Variants in GSE1 observed in about 807,000 individuals in gnomAD.
The protein encoded by GSE1 is Gse1 coiled-coil protein, also known as genetic suppressor element 1.
A neutral mutation model predicts 112.6 loss-of-function variants in GSE1; 32 were observed. The observed-to-expected ratio is 0.28, with a 90% CI of 0.21 to 0.38. The LOEUF (loss-of-function observed/expected upper bound fraction) is 0.38, where lower values mean the gene tolerates loss of function less well. Ranked by LOEUF, GSE1 falls within the 10% of genes least tolerant of loss-of-function variation. GSE1 has a pLI of 1.00. For synonymous variants in GSE1, 1,115 were observed against 735.6 expected, an observed-to-expected ratio of 1.52 and a Z score of -8.35; for missense variants, 2,348 against 1,699.2, an observed-to-expected ratio of 1.38 and a Z score of -6.71.
At chr16:85,517,338 G>A (rs147907520) in intron 2 of GSE1, among the ~76,000 whole-genome samples, 58 of 152,296 alleles carry the variant, frequency 3.8e-4, no homozygotes, top group Middle Eastern at 3.4e-3. Flanking sequence ...TAACCTCCCC[G>A]TGCCACAGCT....
In GSE1 at chr16:85,396,692, A is replaced by G. The variant is rs75104753; in HGVS notation, c.2464+39049A>G. On this transcript the variant is annotated intron_variant, in intron 2 of 2. Coordinates refer to the GSE1 transcript ENST00000637419. ...TCTCAGGACCCCACAACGGGGCAGGATGGATGTCCGGACGCTACACAAGTG... is the reference window on the plus strand; with the variant it reads ...TCTCAGGACCCCACAACGGGGCAGGGTGGATGTCCGGACGCTACACAAGTG... Among the ~76,000 whole-genome samples, 179 of 152,322 alleles carry G rather than the reference A, an allele frequency of 1.2e-3. 1 individual carries two copies. In the East Asian group the frequency reaches 0.022, roughly 19 times the overall value.
At chr16:85,502,312 G>GT (rs1284354712) in intron 2 of GSE1, among the ~76,000 whole-genome samples, 10 of 152,016 alleles carry the variant, frequency 6.6e-5, no homozygotes, top group Admixed American at 6.6e-4. Context: ...AGCCTGTGCT[G>GT]TGGGTAGCGC....
chr16:85,324,575 C>T (rs2046186995), intron 1 of GSE1, among the ~76,000 whole-genome samples: 1 of 151,778 alleles, frequency 6.6e-6, no homozygotes, highest in Non-Finnish European at 1.5e-5. Context: ...TGTGCACACA[C>T]GTTCACAGCA....
intron 2 of GSE1, among the ~76,000 whole-genome samples, chr16:85,536,146 C>G (rs556263622): frequency 3.9e-5 from 6 of 152,356 alleles, no homozygotes; most frequent in Admixed American, 2.6e-4. Flanking sequence ...CCAGCCACCT[C>G]TAGCGATTAA....
chr16:85,577,327 G>A lies in GSE1; in HGVS notation c.37+20964G>A, dbSNP rs183354167. 1.5e-4 allele frequency among the ~76,000 whole-genome samples: 23 copies of A among 152,326 alleles called. 1 individual carries two copies. In the East Asian group the frequency reaches 4.4e-3, roughly 29 times the overall value. ...GAGGACGCGGTCCTCTCAGGGAAGT[G>A]GGGTGTGCATTCGGGGCACTTGGGT... On this transcript the variant is annotated intron_variant, in intron 1 of 2. Coordinates refer to the GSE1 transcript ENST00000635906.
upstream of GSE1, chr16:85,555,397 G>C (rs201445446): frequency 3.7e-4 from 362 of 984,176 alleles, no homozygotes; most frequent in South Asian, 5.2e-4. Flanking sequence ...CCAAAAAAGG[G>C]GGGGGAGGGG....
At chr16:85,360,612 C>T (rs1442795200) in intron 2 of GSE1, among the ~76,000 whole-genome samples, 1 of 152,154 alleles carries the variant, frequency 6.6e-6, no homozygotes, top group African/African-American at 2.4e-5. Flanking sequence ...CAGCTGTGCA[C>T]TGCCAGCTGG....
At chr16:85,245,890 T>TGC (rs1445810964) in intron 1 of GSE1, among the ~76,000 whole-genome samples, 4 of 151,626 alleles carry the variant, frequency 2.6e-5, no homozygotes, top group Non-Finnish European at 5.9e-5. Flanking sequence ...TGTGTGTGTG[T>TGC]GCGTGTGTGT....
In GSE1 at chr16:85,374,573, C is replaced by T. The variant is rs995472192; in HGVS notation, c.2464+16930C>T. ...GCGCGCGTGCACAGGTAGCTCCTAGCGTGTTGTGTGGTGTGATGTACAGGT... is the reference window on the plus strand; with the variant it reads ...GCGCGCGTGCACAGGTAGCTCCTAGTGTGTTGTGTGGTGTGATGTACAGGT... On this transcript the variant is annotated intron_variant, in intron 2 of 2. Coordinates refer to the GSE1 transcript ENST00000637419. Among the ~76,000 whole-genome samples, 5 of 151,650 alleles carry T rather than the reference C, an allele frequency of 3.3e-5. No homozygotes were observed. In the East Asian group the frequency reaches 5.8e-4, roughly 18 times the overall value.
chr16:85,313,970 ACACAGCCTAGTGTGTGTATGTGT>A (rs2045925821), intron 1 of GSE1, among the ~76,000 whole-genome samples: 1 of 149,288 alleles, frequency 6.7e-6, no homozygotes, highest in African/African-American at 2.5e-5. Context: ...TGTGTGTGTG[ACACAGCCTAGTGTGTGTATGTGT>A]GTGTGTGTGA....
intron 2 of GSE1, among the ~76,000 whole-genome samples, chr16:85,637,724 C>A (rs55733612): frequency 2.0e-5 from 3 of 151,218 alleles, no homozygotes; most frequent in Admixed American, 6.5e-5. Flanking sequence ...GACCCCTGCC[C>A]CGCAGGTGTA....
At position 85,673,201 on chromosome 16, in the gene GSE1, G is replaced by T. The variant is rs1598741593; in HGVS notation, c.*662G>T. The T allele has an allele frequency of 6.6e-6, 1 of 152,616 alleles. No homozygotes were observed. Among genetic ancestry groups the T allele is most frequent in the East Asian group, 1.9e-4 (1 of 5,178 alleles). The allele number at this position is 152,616 out of a possible 1,614,324, so 9.5% of individuals were successfully genotyped here. On this transcript the variant is annotated 3_prime_UTR_variant, in exon 16 of 16. Coordinates refer to ENST00000253458, the MANE Select transcript of GSE1 (RefSeq NM_014615.5). ...AGGTAGCTTTTTATTACTCCGTGGG[G>T]AGCATGTACAGAGCTCTGTGTATAC...
intron 1 of GSE1, among the ~76,000 whole-genome samples, chr16:85,172,990 C>G (rs1191426919): frequency 6.6e-6 from 1 of 152,236 alleles, no homozygotes; most frequent in African/African-American, 2.4e-5. Context: ...TTTGGACTTT[C>G]AAGCTGTCTT....
chr16:85,171,826 C>G (rs1201867980), intron 1 of GSE1: 25 of 980,082 alleles, frequency 2.6e-5, no homozygotes, highest in Non-Finnish European at 2.8e-5. Context: ...CAGTTTTCAT[C>G]TCATCTTAGA....
chr16:85,239,947 A>G (rs1242611627), intron 1 of GSE1, among the ~76,000 whole-genome samples: 1 of 152,226 alleles, frequency 6.6e-6, no homozygotes, highest in Non-Finnish European at 1.5e-5. Flanking sequence ...ATCCTTCTGC[A>G]TCAGAGCATC....
chr16:85,349,665 G>A (rs565027800), intron 1 of GSE1, among the ~76,000 whole-genome samples: 1 of 152,142 alleles, frequency 6.6e-6, no homozygotes. Context: ...ACTTGGCTTC[G>A]TGCCTGTGCT....
intron 1 of GSE1, among the ~76,000 whole-genome samples, chr16:85,591,903 C>A (rs567337170): frequency 5.3e-5 from 8 of 152,178 alleles, no homozygotes; most frequent in African/African-American, 1.7e-4. Flanking sequence ...TCTAGATCCG[C>A]GATGCCCAAA....
chr16:85,581,383 G>C (rs547155982), intron 1 of GSE1, among the ~76,000 whole-genome samples: 1 of 152,218 alleles, frequency 6.6e-6, no homozygotes, highest in African/African-American at 2.4e-5. Flanking sequence ...GGTGTCCCTG[G>C]CAACTGAATG....
Position 85,634,116 on chromosome 16 carries a change from G to T in GSE1, c.210G>T (p.Gln70His). The stretch of plus-strand genomic sequence containing the variant: ...CCGCGCTGCGCAAGCTCGCCAAACA[G>T]GCGGAGGAGCCCAGAGGTAAGGGGG... ...FAAALRKLAK[Q>H]AEEPRGSSLS... The change falls in exon 2 of 16, where the codon CAG becomes CAT. Residue 70 changes from glutamine to histidine, a missense_variant. By Grantham distance (24) the Gln-to-His change is conservative (BLOSUM62 0). Transcript: ENST00000253458. 6.5e-7 allele frequency: 1 copy of T among 1,544,398 alleles called. No individual in the cohort carries two copies. Among genetic ancestry groups the T allele is most frequent in the South Asian group, 1.2e-5 (1 of 82,962 alleles).
Sources: allele counts gnomAD v4.1 joint callset (sites outside exome capture counted in the v4.1 genomes callset), GRCh38; gene constraint gnomAD v4.1.1; transcripts MANE v1.5; gene names NCBI Gene and HGNC (gene_info 2026-07-23, HGNC 2026-07-21).